Variants in NBPF8 observed in about 807,000 individuals in gnomAD.
NBPF8 encodes NBPF member 8, also known as NBPF family member NBPF8.
intron 11 of NBPF8, among the ~76,000 whole-genome samples, chr1:120,450,614 A>G (rs1661240375): frequency 6.6e-6 from 1 of 152,210 alleles, no homozygotes; most frequent in Admixed American, 6.5e-5. Flanking sequence ...AAACTTTATT[A>G]GCATTTGGGC....
At chr1:120,419,420 C>T (rs1390101799), upstream of NBPF8, among the ~76,000 whole-genome samples, 2 of 152,176 alleles carry the variant, frequency 1.3e-5, no homozygotes, top group Non-Finnish European at 1.5e-5. Flanking sequence ...TTCTTGTTCA[C>T]TAAGATCTGC....
At chr1:120,460,965 TC>T (rs1661569366) in intron 18 of NBPF8, among the ~76,000 whole-genome samples, 1 of 151,446 alleles carries the variant, frequency 6.6e-6, no homozygotes, top group Non-Finnish European at 1.5e-5. Flanking sequence ...ATACAGAGTG[TC>T]CTTTGACTCC....
At chr1:120,452,418 C>T in intron 13 of NBPF8, 87 bp downstream of exon 11, 2 of 755,506 alleles carry the variant, frequency 2.6e-6, no homozygotes, top group South Asian at 1.6e-5. Flanking sequence ...ACAGTTGTAT[C>T]AATGGTGTTT....
chr1:120,462,605 T>A (rs1210905856), intron 20 of NBPF8, among the ~76,000 whole-genome samples, 189 bp from the exon 19 acceptor site: 2 of 95,776 alleles, frequency 2.1e-5, no homozygotes, highest in Non-Finnish European at 4.3e-5. Flanking sequence ...CCTCTCCCTG[T>A]CTTTCTCTTT....
At chr1:120,425,150 GT>G (rs1377675694) in intron 1 of NBPF8, among the ~76,000 whole-genome samples, 1 of 152,072 alleles carries the variant, frequency 6.6e-6, no homozygotes, top group Non-Finnish European at 1.5e-5. Flanking sequence ...AGACCTGACT[GT>G]CCCCCAGCCA....
chr1:120,464,135 G>C lies in NBPF8; in HGVS notation n.3287-241G>C, dbSNP rs1178964879. Among the ~76,000 whole-genome samples the C allele has an allele frequency of 3.6e-3, 134 of 36,824 alleles. 4 individuals are homozygous for C. Among genetic ancestry groups the C allele is most frequent in the Middle Eastern group, 0.013 (1 of 78 alleles). The allele number at this position is 36,824 out of a possible 152,430, so 24.2% of individuals were successfully genotyped here. A position where few individuals can be genotyped will look rare whatever the true frequency, so the allele number is the denominator to read the frequency against. On this transcript the variant is annotated intron_variant and non_coding_transcript_variant, in intron 22 of 24. Coordinates refer to ENST00000583271, the Ensembl canonical transcript of NBPF8. ...GCTCGTTCTCTCTCTCTCTCTCTCT[G>C]TGTGTGTGTGTGTGTGTGTGTGTGT...
At chr1:120,466,188 G>A (rs1461901196) in exon 25 of NBPF8, 6 of 1,609,318 alleles carry the variant, frequency 3.7e-6, no homozygotes, top group African/African-American at 1.3e-5. Flanking sequence ...GTCTCTATCT[G>A]GTCTTCCAGA....
intron 1 of NBPF8, among the ~76,000 whole-genome samples, chr1:120,424,736 C>T (rs1271330088): frequency 3.2e-4 from 46 of 144,220 alleles, no homozygotes; most frequent in Admixed American, 7.8e-4. Flanking sequence ...ACACGAGCCA[C>T]GGCCTGACCT....
intron 16 of NBPF8, among the ~76,000 whole-genome samples, chr1:120,456,758 T>C (rs1661447937): frequency 6.7e-6 from 1 of 148,928 alleles, no homozygotes; most frequent in African/African-American, 2.5e-5. Flanking sequence ...ATTTAGCCCA[T>C]TTACATTTAA....
intron 3 of NBPF8, among the ~76,000 whole-genome samples, chr1:120,430,904 A>G (rs1435140391): frequency 2.0e-5 from 3 of 151,838 alleles, no homozygotes; most frequent in Non-Finnish European, 4.4e-5. Flanking sequence ...GTTATGTTTA[A>G]AAAGTCAGTT....
chr1:120,460,997 C>G (rs1360701801), intron 18 of NBPF8, among the ~76,000 whole-genome samples: 1 of 148,402 alleles, frequency 6.7e-6, no homozygotes, highest in Non-Finnish European at 1.5e-5. Flanking sequence ...TGTCACCTGA[C>G]CAATTCACTG....
At chr1:120,434,298 TATAC>T (rs1661004079), upstream of NBPF8, among the ~76,000 whole-genome samples, 1 of 147,502 alleles carries the variant, frequency 6.8e-6, no homozygotes, top group Admixed American at 6.8e-5. Flanking sequence ...ATTATATATA[TATAC>T]ACGTATGTAT....
intron 11 of NBPF8, among the ~76,000 whole-genome samples, chr1:120,450,749 C>CT (rs1661244202): frequency 6.6e-6 from 1 of 151,844 alleles, no homozygotes; most frequent in African/African-American, 2.4e-5. Flanking sequence ...CATACTTGTC[C>CT]TTGAAATTCC....
At chr1:120,468,507 A>ACAT (rs1661811811), downstream of NBPF8, among the ~76,000 whole-genome samples, 1 of 146,286 alleles carries the variant, frequency 6.8e-6, no homozygotes, top group South Asian at 2.2e-4. Flanking sequence ...TCCTTGGGGG[A>ACAT]CATACATGGT....
At chr1:120,461,028 G>GTC (rs1202627652) in intron 18 of NBPF8, among the ~76,000 whole-genome samples, 1 of 82,714 alleles carries the variant, frequency 1.2e-5, no homozygotes, top group Non-Finnish European at 2.4e-5. Flanking sequence ...GTGTGTGTGT[G>GTC]TGTGTGTGTG....
At chr1:120,428,836 C>G (rs1660791678) in intron 3 of NBPF8, among the ~76,000 whole-genome samples, 2 of 151,742 alleles carry the variant, frequency 1.3e-5, no homozygotes, top group South Asian at 4.2e-4. Flanking sequence ...ATGAAATAAA[C>G]TAACCCTTTA....
intron 11 of NBPF8, among the ~76,000 whole-genome samples, chr1:120,450,349 C>T (rs1553248628): frequency 6.6e-5 from 10 of 152,028 alleles, no homozygotes; most frequent in South Asian, 6.2e-4. Context: ...AGATCCCACC[C>T]GAGAATGTGT....
upstream of NBPF8, among the ~76,000 whole-genome samples, chr1:120,431,486 A>G (rs1314105457): frequency 1.3e-5 from 2 of 150,880 alleles, no homozygotes; most frequent in Admixed American, 6.6e-5. Context: ...AGACTTAGAT[A>G]CTTCAGAAAA....
upstream of NBPF8, chr1:120,436,317 C>T (rs1181387911): frequency 2.0e-6 from 3 of 1,517,626 alleles, no homozygotes; most frequent in African/African-American, 1.4e-5. Flanking sequence ...TGAGTTGAGG[C>T]ACCTCGAACC....
Sources: gnomAD v4.1 joint callset for allele counts (sites outside exome capture counted in the v4.1 genomes callset) on GRCh38, gnomAD v4.1.1 for gene constraint, MANE v1.5 for transcripts, NCBI Gene and HGNC (gene_info 2026-07-23, HGNC 2026-07-21) for gene names.